The following DMD variants were observed in gnomAD, a reference collection of about 807,000 sequenced individuals.
DMD encodes dystrophin.
DMD carries 63 observed loss-of-function variants against 330.1 expected under a neutral mutation model. That is an observed-to-expected ratio of 0.19 (90% CI 0.16 to 0.24). The LOEUF is 0.24. DMD is among the 10% of genes least tolerant of loss of function. The pLI is 1.00. For synonymous variants in DMD, 1,223 were observed against 959.8 expected (o/e 1.27, Z -5.07); for missense variants, 3,344 against 2,684.1 (o/e 1.25, Z -5.43).
chrX:32,679,738 G>A (rs1474100330), intron 9 of DMD, among the ~76,000 whole-genome samples: 2 of 108,516 alleles, frequency 1.8e-5, no homozygotes, highest in African/African-American at 6.7e-5. Context: ...GTTTTAATTG[G>A]CAAAGCGAAA....
chrX:32,512,693 A>C (rs2045460327), intron 18 of DMD, among the ~76,000 whole-genome samples: 1 of 112,317 alleles, frequency 8.9e-6, no homozygotes, highest in African/African-American at 3.2e-5. Flanking sequence ...CTTTGTCAAC[A>C]CTCTTCAGAC....
chrX:32,584,358 C>A (rs1349186547), intron 13 of DMD, among the ~76,000 whole-genome samples: 1 of 111,669 alleles, frequency 9.0e-6, no homozygotes, highest in Non-Finnish European at 1.9e-5. Context: ...CTTTGGAAAA[C>A]CCTTTGTTAA....
chrX:33,260,060 G>C (rs2052929448), intron 1 of DMD, among the ~76,000 whole-genome samples: 1 of 110,884 alleles, frequency 9.0e-6, no homozygotes, highest in Non-Finnish European at 1.9e-5. Context: ...TATGTTTTAA[G>C]CTTATCTGGG....
chrX:32,164,096 G>A lies in DMD; in HGVS notation c.6438+52820C>T, dbSNP rs185221642. Among the ~76,000 whole-genome samples, 20 of 110,907 alleles carry A rather than the reference G, an allele frequency of 1.8e-4. No individual in the cohort carries two copies. In the East Asian group the frequency reaches 2.9e-3, roughly 16 times the overall value. Reference sequence around the variant, plus strand: ...ATACATAAAATATCAATTTTGGCTCGGCACAATGGACCATGTCTGTAATTT... The same window carrying A: ...ATACATAAAATATCAATTTTGGCTCAGCACAATGGACCATGTCTGTAATTT... On this transcript the variant is annotated intron_variant, in intron 44 of 78. Coordinates refer to ENST00000357033, the MANE Select transcript of DMD (RefSeq NM_004006.3).
chrX:32,412,228 G>A, intron 29 of DMD: 1 of 1,034,892 alleles, frequency 9.7e-7, no homozygotes, highest in Non-Finnish European at 1.3e-6. Context: ...GTCTTTCTCA[G>A]GTCGAATGTT....
At chrX:32,022,213 T>C (rs777634378) in intron 44 of DMD, among the ~76,000 whole-genome samples, 5 of 112,122 alleles carry the variant, frequency 4.5e-5, no homozygotes, top group Non-Finnish European at 9.4e-5. Context: ...TGAGTTGATA[T>C]ATTGAATTAT....
At chrX:31,297,150 T>A (rs1365826993) in intron 62 of DMD, among the ~76,000 whole-genome samples, 1 of 111,437 alleles carries the variant, frequency 9.0e-6, no homozygotes, top group African/African-American at 3.3e-5. Flanking sequence ...CTCAAGTCTG[T>A]AATTATATAC....
intron 61 of DMD, among the ~76,000 whole-genome samples, chrX:31,342,055 G>A (rs1329942501): frequency 9.0e-6 from 1 of 110,762 alleles, no homozygotes; most frequent in Non-Finnish European, 1.9e-5. Context: ...TTGGTTGTAA[G>A]TCATTAAACT....
chrX:32,506,480 A>G (rs1380103466), intron 18 of DMD, among the ~76,000 whole-genome samples: 1 of 110,138 alleles, frequency 9.1e-6, no homozygotes, highest in African/African-American at 3.3e-5. Flanking sequence ...TAGCTGTAAT[A>G]TATAAAATAC....
intron 1 of DMD, among the ~76,000 whole-genome samples, chrX:33,077,596 G>A (rs2094864558): frequency 9.0e-6 from 1 of 111,599 alleles, no homozygotes; most frequent in East Asian, 2.8e-4. Flanking sequence ...GATTCATGCA[G>A]GCCTAATTGG....
At chrX:32,191,419 T>C (rs1366250790) in intron 44 of DMD, among the ~76,000 whole-genome samples, 1 of 112,065 alleles carries the variant, frequency 8.9e-6, no homozygotes. Context: ...TAAAATCTCT[T>C]GTAAGATTTG....
chrX:32,551,692 T>C (rs1252186395), intron 16 of DMD, among the ~76,000 whole-genome samples: 1 of 111,426 alleles, frequency 9.0e-6, no homozygotes, highest in Non-Finnish European at 1.9e-5. Context: ...GGAAGTCAAA[T>C]TATCCCTGTT....
At chrX:31,996,534 G>A (rs1201634984) in intron 44 of DMD, among the ~76,000 whole-genome samples, 1 of 111,802 alleles carries the variant, frequency 8.9e-6, no homozygotes, top group Non-Finnish European at 1.9e-5. Flanking sequence ...GCCAAGGTCA[G>A]TGGAAACCTA....
At chrX:31,725,361 T>C (rs895648980) in intron 52 of DMD, among the ~76,000 whole-genome samples, 64 of 111,891 alleles carry the variant, frequency 5.7e-4, no homozygotes, top group Admixed American at 8.6e-4. Context: ...CCTTCTCCTG[T>C]CGGTCTTTTA....
chrX:32,219,241 G>A (rs1453622419), intron 43 of DMD, among the ~76,000 whole-genome samples: 1 of 111,550 alleles, frequency 9.0e-6, no homozygotes, highest in Non-Finnish European at 1.9e-5. Flanking sequence ...TAATAATTTA[G>A]CATTCATATA....
chrX:31,244,211 A>G (rs1603185113), intron 63 of DMD, among the ~76,000 whole-genome samples: 1 of 112,435 alleles, frequency 8.9e-6, no homozygotes, highest in Non-Finnish European at 1.9e-5. Flanking sequence ...TGTAATTCGG[A>G]AAGTTTACAA....
intron 9 of DMD, among the ~76,000 whole-genome samples, chrX:32,686,559 C>CAAAAAAAAAAAAAAAAAAAAAAA (rs750534167): frequency 1.7e-4 from 5 of 28,576 alleles, no homozygotes; most frequent in East Asian, 1.3e-3. Context: ...AACTCCATCT[C>CAAAAAAAAAAAAAAAAAAAAAAA]AAAAAAAAAA....
In DMD at chrX:32,325,597, C is replaced by G. The variant is rs184523972; in HGVS notation, c.5923-15321G>C. Among the ~76,000 whole-genome samples the G allele has an allele frequency of 2.7e-5, 3 of 111,349 alleles. No homozygotes were observed. The Admixed American group carries it at 2.9e-4, about 11-fold the overall frequency. On this transcript the variant is annotated intron_variant, in intron 41 of 78. Coordinates refer to ENST00000357033, the MANE Select transcript of DMD (RefSeq NM_004006.3). ...ACAATTTCACATCATCACCTAAAAC[C>G]ATATTGGTGCCCCTCACTGCATACC...
intron 3 of DMD, 21 bp from the exon 4 acceptor site, chrX:32,844,881 T>A (rs754074352): frequency 4.3e-6 from 5 of 1,156,004 alleles, no homozygotes; most frequent in Non-Finnish European, 5.9e-6. Context: ...AACAAAAGAG[T>A]GTTCACTGAC....
Sources: allele counts gnomAD v4.1 joint callset (sites outside exome capture counted in the v4.1 genomes callset), GRCh38; gene constraint gnomAD v4.1.1; transcripts MANE v1.5; gene names NCBI Gene and HGNC (gene_info 2026-07-23, HGNC 2026-07-21).